The following ASB3 variants were observed in gnomAD, a reference collection of about 807,000 sequenced individuals.
The protein encoded by ASB3 is ankyrin repeat and SOCS box containing 3, also known as ankyrin repeat and SOCS box protein 3.
A neutral mutation model predicts 54.5 loss-of-function variants in ASB3; 41 were observed. The ratio of observed to expected loss-of-function variants is 0.75; its 90% confidence interval spans 0.59 to 0.98. The LOEUF is 0.98. ASB3 is among the 50% of genes least tolerant of loss of function. ASB3 has a pLI of 0.00. For synonymous variants in ASB3, 266 were observed against 221.2 expected (o/e 1.20, Z -1.80); for missense variants, 733 against 620.0 (o/e 1.18, Z -1.94).
chr2:53,684,224 G>T (rs1230278776), intron 9 of ASB3, among the ~76,000 whole-genome samples: 1 of 152,148 alleles, frequency 6.6e-6, no homozygotes, highest in Non-Finnish European at 1.5e-5. Flanking sequence ...TCTCTTCACT[G>T]AAGACTTCTG....
intron 6 of ASB3, among the ~76,000 whole-genome samples, chr2:53,716,109 T>G (rs928517351): frequency 7.2e-5 from 11 of 152,260 alleles, no homozygotes; most frequent in African/African-American, 2.6e-4. Context: ...AATTTGAGGT[T>G]AGATCAAGAA....
intron 7 of ASB3, among the ~76,000 whole-genome samples, chr2:53,713,136 T>A (rs2103828551): frequency 6.6e-6 from 1 of 152,320 alleles, no homozygotes; most frequent in South Asian, 2.1e-4. Context: ...GGCCAGGAGT[T>A]CGAGACCAGG....
At chr2:53,783,583 A>C (rs1456143491) in intron 1 of ASB3, among the ~76,000 whole-genome samples, 1 of 152,242 alleles carries the variant, frequency 6.6e-6, no homozygotes, top group Non-Finnish European at 1.5e-5. Flanking sequence ...AATGATAAAG[A>C]AAACAGTCTA....
intron 9 of ASB3, among the ~76,000 whole-genome samples, chr2:53,680,921 G>C (rs571982106): frequency 6.0e-4 from 89 of 148,266 alleles, no homozygotes; most frequent in African/African-American, 2.2e-3. Flanking sequence ...CTTCTACTTT[G>C]TATCTCCATG....
intron 7 of ASB3, among the ~76,000 whole-genome samples, chr2:53,707,661 A>AG (rs1669859354): frequency 6.7e-6 from 1 of 148,290 alleles, no homozygotes; most frequent in Admixed American, 6.7e-5. Context: ...AAAAAAAAAA[A>AG]GAAAGAAATG....
At chr2:53,774,284 G>C (rs1404698535) in intron 1 of ASB3, 1 of 1,614,130 alleles carries the variant, frequency 6.2e-7, no homozygotes, top group East Asian at 2.2e-5. Flanking sequence ...AAACCATTCA[G>C]TGTATTGCTA....
In ASB3 at chr2:53,774,247, A is replaced by AT. The variant is rs1445360688; in HGVS notation, c.-13-8663dup. On this transcript the variant is annotated intron_variant, in intron 1 of 9. Transcript: ENST00000263634. Reference sequence around the variant, plus strand: ...AGGAGGCTACAGAACCACAACAGTCATTTTTTATCCAAAAGATCCCACAAC... The same window carrying AT: ...AGGAGGCTACAGAACCACAACAGTCATTTTTTTATCCAAAAGATCCCACAAC... 5.6e-6 allele frequency: 9 copies of AT among 1,614,154 alleles called. 1 individual carries two copies. The African/African-American group carries it at 1.2e-4, about 22-fold the overall frequency.
chr2:53,757,989 G>C (rs1283689558), intron 2 of ASB3, among the ~76,000 whole-genome samples: 1 of 152,088 alleles, frequency 6.6e-6, no homozygotes, highest in Non-Finnish European at 1.5e-5. Context: ...AGCGAATTAA[G>C]TAACTCAAGG....
chr2:53,772,881 C>A (rs769402814), intron 1 of ASB3, among the ~76,000 whole-genome samples: 2 of 152,082 alleles, frequency 1.3e-5, no homozygotes, highest in East Asian at 3.9e-4. Context: ...TCCACCCTCC[C>A]GTAGACCCCA....
chr2:53,783,664 T>A (rs527747359), intron 1 of ASB3, among the ~76,000 whole-genome samples: 1 of 152,340 alleles, frequency 6.6e-6, no homozygotes, highest in South Asian at 2.1e-4. Context: ...TGTCATCAGA[T>A]ACACTAGACA....
chr2:53,735,400 C>A (rs1276084414), intron 3 of ASB3, among the ~76,000 whole-genome samples: 1 of 150,598 alleles, frequency 6.6e-6, no homozygotes, highest in Non-Finnish European at 1.5e-5. Flanking sequence ...ACATGCCTAA[C>A]ACAGACCTGG....
intron 9 of ASB3, among the ~76,000 whole-genome samples, chr2:53,692,530 C>T (rs1474789513): frequency 6.6e-6 from 1 of 152,154 alleles, no homozygotes; most frequent in Admixed American, 6.6e-5. Context: ...CCTACACAAA[C>T]TCTACCTAGT....
intron 1 of ASB3, among the ~76,000 whole-genome samples, chr2:53,777,691 A>C (rs1674418269): frequency 6.6e-6 from 1 of 152,244 alleles, no homozygotes; most frequent in Non-Finnish European, 1.5e-5. Flanking sequence ...AACAATACTT[A>C]GTCCAGGAGA....
At chr2:53,703,297 C>A (rs1669591170) in intron 7 of ASB3, among the ~76,000 whole-genome samples, 1 of 152,194 alleles carries the variant, frequency 6.6e-6, no homozygotes, top group Admixed American at 6.5e-5. Context: ...AGGACAAAAA[C>A]TGCTTTTGTT....
chr2:53,721,858 T>C (rs1182905451), intron 5 of ASB3, among the ~76,000 whole-genome samples: 1 of 151,886 alleles, frequency 6.6e-6, no homozygotes, highest in Middle Eastern at 3.2e-3. Flanking sequence ...TGGAACTGAA[T>C]GAAATTGAGA....
chr2:53,712,216 C>CA (rs764847561), intron 7 of ASB3, among the ~76,000 whole-genome samples: 3,296 of 133,486 alleles, frequency 0.025, 100 homozygotes, highest in African/African-American at 0.073. Flanking sequence ...TAAAAAAATA[C>CA]AAAAAAAAAA....
chr2:53,774,660 A>C (rs1033549820), intron 1 of ASB3: 1 of 619,062 alleles, frequency 1.6e-6, no homozygotes, highest in Non-Finnish European at 2.5e-6. Flanking sequence ...CCTGAAACAC[A>C]TATTTAAAAT....
chr2:53,719,321 C>T (rs533540626), intron 5 of ASB3, among the ~76,000 whole-genome samples: 59 of 152,158 alleles, frequency 3.9e-4, no homozygotes, highest in Non-Finnish European at 6.8e-4. Context: ...TTTGAGAGGC[C>T]GAAGTATGAC....
At chr2:53,720,987 T>TGC (rs1285679661) in intron 5 of ASB3, among the ~76,000 whole-genome samples, 2 of 151,182 alleles carry the variant, frequency 1.3e-5, no homozygotes, top group Admixed American at 6.6e-5. Context: ...GCCACAGGGG[T>TGC]GCGCGCCTGT....
Sources: allele counts gnomAD v4.1 joint callset (sites outside exome capture counted in the v4.1 genomes callset), GRCh38; gene constraint gnomAD v4.1.1; transcripts MANE v1.5; gene names NCBI Gene and HGNC (gene_info 2026-07-23, HGNC 2026-07-21).